The following NDRG1 variants were observed in gnomAD, a reference collection of about 807,000 sequenced individuals.
NDRG1 encodes N-myc downstream regulated 1, also known as protein NDRG1.
Under a neutral mutation model 56.9 loss-of-function variants are expected in NDRG1, and 32 were observed. The observed-to-expected ratio is 0.56, with a 90% CI of 0.42 to 0.76. NDRG1 has a LOEUF of 0.76. Among genes scored for constraint, NDRG1 ranks in the 30% least tolerant of loss-of-function variants. NDRG1 has a pLI of 0.00. For missense variants in NDRG1, 507 were observed against 545.7 expected (o/e 0.93, Z 0.71); for synonymous variants, 211 against 204.1 (o/e 1.03, Z -0.29).
At chr8:133,295,243 C>T (rs1378137820) in intron 1 of NDRG1, among the ~76,000 whole-genome samples, 1 of 152,240 alleles carries the variant, frequency 6.6e-6, no homozygotes, top group Admixed American at 6.5e-5. Context: ...CCATCCACTT[C>T]ATCCCATGTG....
Position 133,280,244 on chromosome 8 carries a change from C to T in NDRG1, c.87G>A (p.Glu29=), listed in dbSNP as rs766932309. 1.2e-6 allele frequency: 2 copies of T among 1,614,138 alleles called. No homozygotes were observed. The highest frequency in any genetic ancestry group is 1.7e-6 in the Non-Finnish European group (2 of 1,180,010). Residue 29 remains glutamate, a synonymous_variant, in exon 3 of 16, where the codon GAG becomes GAA. Coordinates refer to ENST00000323851, the MANE Select transcript of NDRG1 (RefSeq NM_006096.4). The part of the protein sequence containing the change: ...KGETITGLLQ[E]FDVQEQDIET... ...ATCCTCTACTTGCCTGGACATCAAACTCTTGCAGGAGGCCGGTGATGGTCT... is the reference window on the plus strand; with the variant it reads ...ATCCTCTACTTGCCTGGACATCAAATTCTTGCAGGAGGCCGGTGATGGTCT...
chr8:133,255,065 G>A (rs999427540), intron 8 of NDRG1: 3 of 337,510 alleles, frequency 8.9e-6, no homozygotes, highest in Admixed American at 3.9e-5. Flanking sequence ...CAAAGACACT[G>A]ACAATCTTCT....
intron 3 of NDRG1, among the ~76,000 whole-genome samples, chr8:133,276,339 C>T (rs1015401713): frequency 1.3e-5 from 2 of 152,182 alleles, no homozygotes; most frequent in South Asian, 2.1e-4. Context: ...GAATTATCTT[C>T]GCAGGGAGCA....
At chr8:133,296,901 G>C (rs373975045) in intron 1 of NDRG1, 3 of 200,282 alleles carry the variant, frequency 1.5e-5, no homozygotes, top group Admixed American at 5.8e-5. Flanking sequence ...GAGATGAATG[G>C]GACCCTGTCT....
intron 3 of NDRG1, among the ~76,000 whole-genome samples, chr8:133,278,101 C>G (rs927372960): frequency 6.6e-6 from 1 of 152,154 alleles, no homozygotes; most frequent in Non-Finnish European, 1.5e-5. Context: ...GCAAGGGCAG[C>G]TTCGATCAGG....
chr8:133,261,934 T>A, intron 5 of NDRG1, 113 bp downstream of exon 5: 1 of 1,391,462 alleles, frequency 7.2e-7, no homozygotes, highest in South Asian at 1.5e-5. Context: ...CTTAAGATGA[T>A]ACGTTTTATA....
intron 3 of NDRG1, among the ~76,000 whole-genome samples, chr8:133,280,031 T>C (rs1857694152): frequency 6.6e-6 from 1 of 152,194 alleles, no homozygotes; most frequent in South Asian, 2.1e-4. Context: ...GGGAAGTGAC[T>C]GGTTCCTGAT....
At chr8:133,268,889 A>AC (rs55814371) in intron 3 of NDRG1, among the ~76,000 whole-genome samples, 6 of 148,596 alleles carry the variant, frequency 4.0e-5, no homozygotes, top group African/African-American at 7.4e-5. Flanking sequence ...ACACACACAC[A>AC]ACAAACACAC....
At chr8:133,286,802 A>T (rs1044523028) in intron 1 of NDRG1, among the ~76,000 whole-genome samples, 10 of 152,160 alleles carry the variant, frequency 6.6e-5, no homozygotes, top group Non-Finnish European at 1.3e-4. Flanking sequence ...CCATTTAGGA[A>T]GTGTCCTAGA....
At chr8:133,253,074 C>A (rs1856162033) in intron 9 of NDRG1, among the ~76,000 whole-genome samples, 1 of 152,222 alleles carries the variant, frequency 6.6e-6, no homozygotes, top group Admixed American at 6.5e-5. Flanking sequence ...CAGGTCACTG[C>A]AATTTCAGGC....
intron 1 of NDRG1, among the ~76,000 whole-genome samples, chr8:133,287,160 A>G (rs749462039): frequency 6.6e-6 from 1 of 152,214 alleles, no homozygotes; most frequent in Non-Finnish European, 1.5e-5. Context: ...GAAGTTCAAC[A>G]TATAAAAATG....
rs1393208315 is a variant in NDRG1 at position 133,285,234 on chromosome 8, GTAGTC to G, written c.-18-910_-18-906del. 4.6e-5 allele frequency among the ~76,000 whole-genome samples: 7 copies of G among 152,174 alleles called. No individual in the cohort carries two copies. In the East Asian group the frequency reaches 1.3e-3, roughly 29 times the overall value. ...TATAAGCATGTATTCTTCTAGATCA[GTAGTC>G]AAGTTAGAAAAACTAAATGCCCATC... On this transcript the variant is annotated intron_variant, in intron 1 of 15. Transcript: ENST00000323851.
At chr8:133,272,191 T>G (rs1268191336) in intron 3 of NDRG1, among the ~76,000 whole-genome samples, 1 of 152,132 alleles carries the variant, frequency 6.6e-6, no homozygotes, top group Non-Finnish European at 1.5e-5. Flanking sequence ...CAGGCTGCAG[T>G]GGGCAGAAGG....
chr8:133,259,384 C>T, intron 5 of NDRG1, 154 bp from the exon 6 acceptor site: 1 of 725,436 alleles, frequency 1.4e-6, no homozygotes, highest in Non-Finnish European at 2.5e-6. Flanking sequence ...ATCCTCCTTC[C>T]AAGACCCCTG....
At chr8:133,254,621 G>T in intron 8 of NDRG1, 26 bp from the exon 9 acceptor site, 1 of 1,611,540 alleles carries the variant, frequency 6.2e-7, no homozygotes, top group Non-Finnish European at 8.5e-7. Flanking sequence ...GTGGGTGGAT[G>T]AGAAACCAGG....
rs118094067 is a variant in NDRG1 at position 133,249,608 on chromosome 8, C to T, written c.698+832G>A. The T allele has an allele frequency of 3.5e-3, 544 of 153,396 alleles. 2 individuals carry two copies. Among genetic ancestry groups the T allele is most frequent in the Non-Finnish European group, 6.2e-3 (429 of 68,856 alleles). 9.5% of individuals were successfully genotyped at this position (153,396 alleles called of 1,614,324 possible). A position where few individuals can be genotyped will look rare whatever the true frequency, so the allele number is the denominator to read the frequency against. ...CGGGCTGTGCTGGTTTCCTCTGTGT[C>T]TCCAGCGCCCAGCCGAATGCCTGAC... On this transcript the variant is annotated intron_variant, in intron 10 of 15. Transcript: ENST00000323851.
intron 11 of NDRG1, among the ~76,000 whole-genome samples, 165 bp from the exon 12 acceptor site, chr8:133,248,091 T>C (rs1855793001): frequency 6.6e-6 from 1 of 152,220 alleles, no homozygotes; most frequent in Non-Finnish European, 1.5e-5. Flanking sequence ...AGGATAACAT[T>C]GGTTACTAGT....
intron 3 of NDRG1, among the ~76,000 whole-genome samples, chr8:133,278,738 G>C (rs1034384070): frequency 6.6e-6 from 1 of 152,122 alleles, no homozygotes; most frequent in Non-Finnish European, 1.5e-5. Context: ...TGGCAGGTAA[G>C]AAGCCCTCAC....
At chr8:133,262,939 G>A (rs1030956336) in intron 4 of NDRG1, among the ~76,000 whole-genome samples, 28 of 152,196 alleles carry the variant, frequency 1.8e-4, no homozygotes, top group African/African-American at 6.8e-4. Context: ...AGGAGCCTGG[G>A]TCCTTGAATT....
Sources: allele counts gnomAD v4.1 joint callset (sites outside exome capture counted in the v4.1 genomes callset), GRCh38; gene constraint gnomAD v4.1.1; transcripts MANE v1.5; gene names NCBI Gene and HGNC (gene_info 2026-07-23, HGNC 2026-07-21).